Variants in PRKACA observed in about 807,000 individuals in gnomAD.
The protein encoded by PRKACA is protein kinase cAMP-activated catalytic subunit alpha, also known as cAMP-dependent protein kinase catalytic subunit alpha.
A neutral mutation model predicts 45.8 loss-of-function variants in PRKACA; 9 were observed. The observed-to-expected ratio is 0.20, with a 90% CI of 0.12 to 0.34. The LOEUF (loss-of-function observed/expected upper bound fraction) is 0.34, where lower values mean the gene tolerates loss of function less well. Ranked by LOEUF, PRKACA falls within the 10% of genes least tolerant of loss-of-function variation. PRKACA has a pLI of 1.00. For synonymous variants in PRKACA, 160 were observed against 178.6 expected (o/e 0.90, Z 0.83); for missense variants, 238 against 458.6 (o/e 0.52, Z 4.39).
rs889213067 is a variant in PRKACA, at chr19:14,093,808, C to G, written c.766-16G>C. 4 of 1,606,938 alleles carry G rather than the reference C, an allele frequency of 2.5e-6. No individual in the cohort carries two copies. The East Asian group carries it at 6.7e-5, about 27-fold the overall frequency. On this transcript the variant is annotated splice_polypyrimidine_tract_variant and intron_variant, in intron 8 of 9. Coordinates refer to ENST00000308677, the MANE Select transcript of PRKACA (RefSeq NM_002730.4). ...GGAAGCGCACCTGGAGGAAGGGGTA[C>G]AAGGACAGGGTGGGAAGCTGGTCTG...
intron 8 of PRKACA, among the ~76,000 whole-genome samples, chr19:14,095,079 A>G (rs1831735227): frequency 6.6e-6 from 1 of 152,192 alleles, no homozygotes; most frequent in African/African-American, 2.4e-5. Context: ...AGAAAATGCT[A>G]CAAAGAAGGG....
At chr19:14,107,453 A>T (rs113434783) in intron 1 of PRKACA, 44 bp from the exon 2 acceptor site, 1 of 1,594,172 alleles carries the variant, frequency 6.3e-7, no homozygotes, top group East Asian at 2.2e-5. Context: ...CGCCCGTCTC[A>T]CCGGGGTGGG....
At chr19:14,099,089 C>T (rs925468057) in intron 5 of PRKACA, among the ~76,000 whole-genome samples, 5 of 151,944 alleles carry the variant, frequency 3.3e-5, no homozygotes, top group Admixed American at 6.6e-5. Flanking sequence ...GTCAGGAGTT[C>T]GAGACCAGCC....
At chr19:14,106,946 A>G (rs1225329859) in intron 2 of PRKACA, 58 bp from the exon 3 acceptor site, 17 of 1,606,054 alleles carry the variant, frequency 1.1e-5, no homozygotes, top group Non-Finnish European at 1.4e-5. Context: ...CTGCTTGGCT[A>G]AGGTCTGGGG....
chr19:14,092,720 G>GCAC lies in PRKACA; in HGVS notation c.*391_*392insGTG. 1 of 403,868 alleles carries GCAC rather than the reference G, an allele frequency of 2.5e-6. No homozygotes were observed. Among genetic ancestry groups the GCAC allele is most frequent in the Admixed American group, 4.2e-5 (1 of 23,994 alleles). The allele number at this position is 403,868 out of a possible 1,614,324, so 25.0% of individuals were successfully genotyped here. A position where few individuals can be genotyped will look rare whatever the true frequency, so the allele number is the denominator to read the frequency against. On this transcript the variant is annotated 3_prime_UTR_variant, in exon 10 of 10. Transcript: ENST00000308677. ...CTGTGGTTGGGTGGGATGGGGGTGT[G>GCAC]GGTGGGGGCTGGAGTTAAGCGTGAG...
At chr19:14,117,438 A>G (rs998072751) in intron 1 of PRKACA, 64 bp downstream of exon 1, 408 of 1,248,710 alleles carry the variant, frequency 3.3e-4, no homozygotes, top group Non-Finnish European at 3.9e-4. Flanking sequence ...GGGCCAGGCG[A>G]TGATGGACAA....
intron 1 of PRKACA, 54 bp downstream of exon 1, chr19:14,117,448 A>G: frequency 8.0e-7 from 1 of 1,253,538 alleles, no homozygotes; most frequent in Non-Finnish European, 1.0e-6. Context: ...ATGATGGACA[A>G]GGCCAGGGCT....
intron 1 of PRKACA, among the ~76,000 whole-genome samples, chr19:14,116,051 C>G (rs899919168): frequency 4.6e-5 from 7 of 152,154 alleles, no homozygotes; most frequent in Non-Finnish European, 8.8e-5. Flanking sequence ...TATTTGAATC[C>G]GTATGGGAAT....
chr19:14,116,430 A>T (rs1437801486), intron 1 of PRKACA, among the ~76,000 whole-genome samples: 1 of 152,060 alleles, frequency 6.6e-6, no homozygotes, highest in African/African-American at 2.4e-5. Context: ...GACGTCACCC[A>T]TTACTCTCTT....
intron 1 of PRKACA, among the ~76,000 whole-genome samples, chr19:14,109,983 TATATATATATATATATACACAC>T (rs1305365923): frequency 3.4e-5 from 3 of 86,970 alleles, no homozygotes; most frequent in African/African-American, 1.6e-4. Context: ...TATATATATA[TATATATATATATATATACACAC>T]ACACACACAC....
rs549527551 is a variant in PRKACA, at chr19:14,097,710, A to AG, written c.547-37dup. On this transcript the variant is annotated intron_variant, in intron 6 of 9. Transcript: ENST00000308677. This position sits in a 1 kb window ranked among gnomAD's most constrained non-coding sequence, Gnocchi z 5.4. ...AAGAACAGGCAGTTGGCAGGGAGGAAGGGTCCAGGCCACGGCTTCCCCAGG... is the reference window on the plus strand; with the variant it reads ...AAGAACAGGCAGTTGGCAGGGAGGAAGGGGTCCAGGCCACGGCTTCCCCAGG... 1,178 of 1,612,352 alleles carry AG rather than the reference A, an allele frequency of 7.3e-4. 14 individuals are homozygous for AG. The South Asian group carries it at 0.012, about 17-fold the overall frequency.
intron 1 of PRKACA, among the ~76,000 whole-genome samples, chr19:14,115,956 A>G (rs1967097475): frequency 6.6e-6 from 1 of 151,626 alleles, no homozygotes; most frequent in Non-Finnish European, 1.5e-5. Context: ...TCAGGCACTC[A>G]GCTACAGGCA....
In PRKACA at chr19:14,094,185, GAAAAAAAAAAA is replaced by G. The variant is rs940405502; in HGVS notation, c.766-404_766-394del. ...AGCAAGAATCTGCATTTCTTTTTTT[GAAAAAAAAAAA>G]AAAAAAAAAAAAAAAATAGCCTCAC... On this transcript the variant is annotated intron_variant, in intron 8 of 9. Coordinates refer to ENST00000308677, the MANE Select transcript of PRKACA (RefSeq NM_002730.4). Among the ~76,000 whole-genome samples the G allele has an allele frequency of 1.0e-3, 60 of 58,932 alleles. 1 individual carries two copies. The highest frequency in any genetic ancestry group is 8.4e-3 in the South Asian group (10 of 1,192). The allele number at this position is 58,932 out of a possible 152,430, so 38.7% of individuals were successfully genotyped here. A position where few individuals can be genotyped will look rare whatever the true frequency, so the allele number is the denominator to read the frequency against.
chr19:14,114,202 G>A (rs1188077052), intron 1 of PRKACA: 1 of 1,600,402 alleles, frequency 6.2e-7, no homozygotes, highest in Admixed American at 1.7e-5. Context: ...GGCTGGGAAG[G>A]CTCATGAGAC....
Position 14,097,469 on chromosome 19 carries a change from G to T in PRKACA, c.657C>A (p.Ala219=). 1 of 1,614,098 alleles carries T rather than the reference G, an allele frequency of 6.2e-7. No homozygotes were observed. The highest frequency in any genetic ancestry group is 8.5e-7 in the Non-Finnish European group (1 of 1,180,010). The part of the protein sequence containing the change: ...EIILSKGYNK[A]VDWWALGVLI... ...GAACCCCCAGGGCCCACCAGTCCAC[G>T]GCCTTGTTGTAGCCCTGGAGCAAGA... The change falls in exon 8 of 10, where the codon GCC becomes GCA. Residue 219 remains alanine (A), a synonymous_variant. Coordinates refer to ENST00000308677, the MANE Select transcript of PRKACA (RefSeq NM_002730.4). This position sits in a 1 kb window ranked among gnomAD's most constrained non-coding sequence, Gnocchi z 5.4.
At chr19:14,107,556 T>C in intron 1 of PRKACA, 147 bp from the exon 2 acceptor site, 1 of 1,306,420 alleles carries the variant, frequency 7.7e-7, no homozygotes, top group Non-Finnish European at 1.1e-6. Context: ...GGGCCTTGGC[T>C]GGGCCGTGGC....
At chr19:14,111,869 G>T (rs930858541) in intron 1 of PRKACA, among the ~76,000 whole-genome samples, 1 of 152,206 alleles carries the variant, frequency 6.6e-6, no homozygotes, top group Admixed American at 6.5e-5. Context: ...CACACAAGAA[G>T]GCAGAGAGGT....
At chr19:14,095,136 C>T (rs1977206617) in intron 8 of PRKACA, among the ~76,000 whole-genome samples, 1 of 150,844 alleles carries the variant, frequency 6.6e-6, no homozygotes, top group African/African-American at 2.4e-5. Flanking sequence ...TTTTTTCTTT[C>T]TTTTTTTTCC....
chr19:14,092,576 T>C lies in PRKACA; in HGVS notation c.*536A>G, dbSNP rs1487960301. 3 of 398,780 alleles carry C rather than the reference T, an allele frequency of 7.5e-6. No homozygotes were observed. The highest frequency in any genetic ancestry group is 1.3e-5 in the Non-Finnish European group (3 of 226,076). 24.7% of individuals were successfully genotyped at this position (398,780 alleles called of 1,614,324 possible). A position where few individuals can be genotyped will look rare whatever the true frequency, so the allele number is the denominator to read the frequency against. ...AAATAAGATTTTAAATTGTTGTTTT[T>C]TTAAAAAAATTCTAGCAAGCAACCC... is the stretch of plus-strand genomic sequence containing the variant. On this transcript the variant is annotated 3_prime_UTR_variant, in exon 10 of 10. Coordinates refer to ENST00000308677, the MANE Select transcript of PRKACA (RefSeq NM_002730.4).
Sources: allele counts gnomAD v4.1 joint callset (sites outside exome capture counted in the v4.1 genomes callset), GRCh38; gene constraint gnomAD v4.1.1; non-coding constraint Gnocchi (gnomAD v3.1); transcripts MANE v1.5; gene names NCBI Gene and HGNC (gene_info 2026-07-23, HGNC 2026-07-21).